Variants in ANO10 observed in about 807,000 individuals in gnomAD.
ANO10 encodes the protein anoctamin-10.
In ANO10, 77 loss-of-function variants were observed where a neutral mutation model predicts 74.7. The ratio of observed to expected loss-of-function variants is 1.03; its 90% CI spans 0.86 to 1.25. The LOEUF (loss-of-function observed/expected upper bound fraction) is 1.25, where lower values mean the gene tolerates loss of function less well. Among genes scored for constraint, ANO10 ranks in the 50% most tolerant of loss-of-function variants. The pLI is 0.00. For synonymous variants in ANO10, 279 were observed against 284.9 expected, an observed-to-expected ratio of 0.98 and a Z score of 0.21; for missense variants, 721 against 778.1, an observed-to-expected ratio of 0.93 and a Z score of 0.87.
At chr3:43,442,412 G>C (rs1239668477) in intron 11 of ANO10, among the ~76,000 whole-genome samples, 1 of 151,864 alleles carries the variant, frequency 6.6e-6, no homozygotes, top group East Asian at 1.9e-4. Context: ...AGGAAATTGA[G>C]AACTCAATCA....
At chr3:43,566,175 G>C (rs1374562629) in intron 7 of ANO10, among the ~76,000 whole-genome samples, 1 of 152,148 alleles carries the variant, frequency 6.6e-6, no homozygotes, top group East Asian at 1.9e-4. Context: ...CACCTGGCTC[G>C]GAGGGTCCTA....
In ANO10 at chr3:43,565,705, G is replaced by GC; in HGVS notation, c.1240dup (p.Ala414GlyfsTer62). 1 of 1,555,730 alleles carries GC rather than the reference G, an allele frequency of 6.4e-7. No individual in the cohort carries two copies. Among genetic ancestry groups the GC allele is most frequent in the South Asian group, 1.2e-5 (1 of 83,778 alleles). ...GACAAAGGCAATATAGAAGAGTGAG[G>GC]CAAAGCAATTGAGGAAGTTGAACTG... On this transcript the variant is annotated frameshift_variant, in exon 8 of 13. Transcript: ENST00000292246. LOFTEE classifies it high-confidence loss of function.
At chr3:43,432,200 T>A (rs1323347968) in intron 12 of ANO10, among the ~76,000 whole-genome samples, 1 of 151,714 alleles carries the variant, frequency 6.6e-6, no homozygotes, top group Non-Finnish European at 1.5e-5. Context: ...ATTTTGCTGC[T>A]TCTACACACC....
At chr3:43,399,221 CTAT>C (rs960296010) in intron 12 of ANO10, among the ~76,000 whole-genome samples, 2 of 152,212 alleles carry the variant, frequency 1.3e-5, no homozygotes, top group Admixed American at 1.3e-4. Flanking sequence ...TTAGCTGTTA[CTAT>C]TATTATACAG....
chr3:43,673,434 G>GTA (rs1272182212), intron 1 of ANO10, among the ~76,000 whole-genome samples: 1 of 152,120 alleles, frequency 6.6e-6, no homozygotes, highest in Non-Finnish European at 1.5e-5. Context: ...TTCTGCTTCT[G>GTA]TATAAACCTG....
At chr3:43,462,260 G>C (rs2075412042) in intron 11 of ANO10, among the ~76,000 whole-genome samples, 1 of 152,114 alleles carries the variant, frequency 6.6e-6, no homozygotes, top group Admixed American at 6.5e-5. Flanking sequence ...AGAGAGGTTT[G>C]CTCTTGTCAC....
chr3:43,675,897 C>T (rs987801559), intron 1 of ANO10, among the ~76,000 whole-genome samples: 2 of 152,096 alleles, frequency 1.3e-5, no homozygotes, highest in Admixed American at 6.5e-5. Flanking sequence ...TATTATATGA[C>T]CCAGCAATTG....
At chr3:43,627,415 C>T (rs1026998434) in intron 1 of ANO10, among the ~76,000 whole-genome samples, 1 of 152,262 alleles carries the variant, frequency 6.6e-6, no homozygotes, top group Admixed American at 6.5e-5. Flanking sequence ...CTAGGCCTGG[C>T]ACCAAGGCCA....
intron 4 of ANO10, among the ~76,000 whole-genome samples, chr3:43,591,213 T>C (rs932116594): frequency 9.9e-5 from 15 of 152,186 alleles, no homozygotes; most frequent in African/African-American, 3.6e-4. Flanking sequence ...TTCGCCGCAG[T>C]TGCAGACCCA....
At chr3:43,497,915 C>T (rs1004795193) in intron 11 of ANO10, among the ~76,000 whole-genome samples, 1 of 152,136 alleles carries the variant, frequency 6.6e-6, no homozygotes, top group Non-Finnish European at 1.5e-5. Flanking sequence ...TAAACATGGA[C>T]TTAAAAGACC....
intron 11 of ANO10, among the ~76,000 whole-genome samples, chr3:43,518,591 A>G (rs965038012): frequency 3.3e-5 from 5 of 152,190 alleles, no homozygotes; most frequent in African/African-American, 1.2e-4. Flanking sequence ...AATAGGAGAA[A>G]TATCACTGAA....
intron 11 of ANO10, among the ~76,000 whole-genome samples, chr3:43,447,669 T>C (rs2093267948): frequency 1.3e-5 from 2 of 152,192 alleles, no homozygotes; most frequent in South Asian, 4.1e-4. Context: ...CATGTTAAAT[T>C]CTAATGAAGT....
At chr3:43,473,170 C>T (rs7640656) in intron 11 of ANO10, among the ~76,000 whole-genome samples, 191 of 151,816 alleles carry the variant, frequency 1.3e-3, no homozygotes, top group African/African-American at 4.5e-3. Context: ...TTTTTTATAG[C>T]TGTTTTCCTA....
intron 11 of ANO10, among the ~76,000 whole-genome samples, chr3:43,481,986 T>C (rs1328319010): frequency 1.3e-5 from 2 of 148,636 alleles, no homozygotes; most frequent in African/African-American, 2.5e-5. Flanking sequence ...TGGAGTGCAG[T>C]GGTGTGATCT....
At chr3:43,578,892 T>C (rs1330193207) in intron 5 of ANO10, among the ~76,000 whole-genome samples, 1 of 151,938 alleles carries the variant, frequency 6.6e-6, no homozygotes, top group Non-Finnish European at 1.5e-5. Context: ...AAAATGACTA[T>C]TGTATGACCT....
intron 1 of ANO10, among the ~76,000 whole-genome samples, chr3:43,683,044 C>T (rs1446505341): frequency 6.6e-6 from 1 of 152,158 alleles, no homozygotes; most frequent in Admixed American, 6.5e-5. Flanking sequence ...CGTCTCTCAC[C>T]ACTCCTATTC....
rs1458001439 is a variant in ANO10 at position 43,433,688 on chromosome 3, A to G, written c.1798-961T>C. Among the ~76,000 whole-genome samples the G allele has an allele frequency of 2.0e-5, 3 of 152,176 alleles. No homozygotes were observed. The East Asian group carries it at 5.8e-4, about 29-fold the overall frequency. On this transcript the variant is annotated intron_variant, in intron 11 of 12. Transcript: ENST00000292246. ...TCTATAACATAATGATATGAGATGT[A>G]TAATTAAGCCAATGGTATTGCTTCC...
Position 43,565,642 on chromosome 3 carries a change from T to C in ANO10, c.1293+11A>G, listed in dbSNP as rs1029145395. 5 of 1,565,016 alleles carry C rather than the reference T, an allele frequency of 3.2e-6. No homozygotes were observed. Among genetic ancestry groups the C allele is most frequent in the Non-Finnish European group, 4.3e-6 (5 of 1,153,806 alleles). ...CTAAAAAATTGGTATTTTTCTGTTA[T>C]TTTTACTTACCTGGCGCAAAAGCTT... On this transcript the variant is annotated intron_variant, in intron 8 of 12. Coordinates refer to ENST00000292246, the MANE Select transcript of ANO10 (RefSeq NM_018075.5).
At chr3:43,580,652 C>A (rs1481392874) in intron 4 of ANO10, among the ~76,000 whole-genome samples, 180 bp from the exon 5 acceptor site, 4 of 152,134 alleles carry the variant, frequency 2.6e-5, no homozygotes, top group African/African-American at 9.7e-5. Context: ...TTACTATTCT[C>A]TTTGACTATG....
Sources: gnomAD v4.1 joint callset for allele counts (sites outside exome capture counted in the v4.1 genomes callset) on GRCh38, gnomAD v4.1.1 for gene constraint, MANE v1.5 for transcripts, NCBI Gene and HGNC (gene_info 2026-07-23, HGNC 2026-07-21) for gene names.